RMDN2: variants seen among roughly 807,000 people sequenced by gnomAD.
RMDN2 encodes the protein regulator of microtubule dynamics protein 2.
Under a neutral mutation model 52.8 loss-of-function variants are expected in RMDN2, and 61 were observed. The ratio of observed to expected loss-of-function variants is 1.16; its 90% confidence interval spans 0.94 to 1.43. The LOEUF (loss-of-function observed/expected upper bound fraction) is 1.43, where lower values mean the gene tolerates loss of function less well. Ranked by LOEUF, RMDN2 falls within the 40% of genes most tolerant of loss-of-function variation. RMDN2 has a pLI of 0.00. For synonymous variants in RMDN2, 180 were observed against 153.1 expected, an observed-to-expected ratio of 1.18 and a Z score of -1.30; for missense variants, 592 against 475.3, an observed-to-expected ratio of 1.25 and a Z score of -2.28.
At chr2:37,949,054 G>T (rs1668476138) in intron 2 of RMDN2, among the ~76,000 whole-genome samples, 1 of 152,162 alleles carries the variant, frequency 6.6e-6, no homozygotes. Flanking sequence ...ATGTGCAAAA[G>T]AGATCCTTTT....
chr2:38,003,214 G>A (rs1288766316), intron 8 of RMDN2, among the ~76,000 whole-genome samples: 20 of 152,142 alleles, frequency 1.3e-4, no homozygotes, highest in Admixed American at 1.2e-3. Context: ...TCTAGTGGAA[G>A]ATGCTTGCCA....
At chr2:37,981,774 T>C (rs1469742710) in intron 5 of RMDN2, among the ~76,000 whole-genome samples, 1 of 152,154 alleles carries the variant, frequency 6.6e-6, no homozygotes, top group Non-Finnish European at 1.5e-5. Context: ...TATTAAAAGT[T>C]CAAACAAAGA....
intron 10 of RMDN2, chr2:38,066,777 T>G (rs1682300770): frequency 1.8e-6 from 1 of 558,790 alleles, no homozygotes; most frequent in East Asian, 2.9e-5. Context: ...AAGGAATATT[T>G]TTCCCATGAA....
At chr2:37,942,593 T>G (rs1403040186) in intron 2 of RMDN2, among the ~76,000 whole-genome samples, 3 of 152,230 alleles carry the variant, frequency 2.0e-5, no homozygotes, top group East Asian at 1.9e-4. Flanking sequence ...ATTGTCAGAC[T>G]TTTTCATTTT....
chr2:37,981,416 A>G, intron 5 of RMDN2, 73 bp downstream of exon 5: 3 of 981,640 alleles, frequency 3.1e-6, no homozygotes, highest in East Asian at 4.8e-5. Context: ...ATTTTTCAAA[A>G]TACTATTGAC....
chr2:37,993,418 A>G (rs2125145200), intron 7 of RMDN2, among the ~76,000 whole-genome samples: 1 of 152,266 alleles, frequency 6.6e-6, no homozygotes, highest in South Asian at 2.1e-4. Context: ...TATGCAGACT[A>G]GAGAACTCAA....
intron 2 of RMDN2, among the ~76,000 whole-genome samples, chr2:37,942,454 A>G (rs1219906574): frequency 6.6e-6 from 1 of 152,188 alleles, no homozygotes; most frequent in African/African-American, 2.4e-5. Flanking sequence ...GAAAGTATAC[A>G]TTTGAAGTCC....
chr2:37,943,100 C>G (rs1667937707), intron 2 of RMDN2, among the ~76,000 whole-genome samples: 1 of 152,226 alleles, frequency 6.6e-6, no homozygotes, highest in African/African-American at 2.4e-5. Context: ...AGAAGCATTT[C>G]TCCCTGGAAA....
chr2:37,972,892 G>C (rs1259317605), intron 2 of RMDN2, among the ~76,000 whole-genome samples: 1 of 152,226 alleles, frequency 6.6e-6, no homozygotes, highest in Non-Finnish European at 1.5e-5. Flanking sequence ...AGTAAAGAAT[G>C]TTATTGAAGA....
chr2:37,945,345 G>A (rs2124940050), intron 2 of RMDN2, among the ~76,000 whole-genome samples: 1 of 152,290 alleles, frequency 6.6e-6, no homozygotes, highest in African/African-American at 2.4e-5. Flanking sequence ...GAGTACAGTG[G>A]TAACAAAGCC....
intron 5 of RMDN2, among the ~76,000 whole-genome samples, chr2:37,983,573 T>G (rs1673608869): frequency 6.6e-6 from 1 of 152,174 alleles, no homozygotes; most frequent in South Asian, 2.1e-4. Flanking sequence ...TTTGAGAAAT[T>G]TAAATGTCAA....
At chr2:37,945,539 G>A (rs1418462280) in intron 2 of RMDN2, among the ~76,000 whole-genome samples, 1 of 152,112 alleles carries the variant, frequency 6.6e-6, no homozygotes, top group Non-Finnish European at 1.5e-5. Flanking sequence ...GTAATACTTA[G>A]ATTTCTACAA....
chr2:37,944,341 A>G (rs1403242382), intron 2 of RMDN2, among the ~76,000 whole-genome samples: 3 of 152,086 alleles, frequency 2.0e-5, no homozygotes, highest in African/African-American at 7.2e-5. Flanking sequence ...TCAAAAAAAA[A>G]AAAAAAAGAA....
At chr2:37,978,005 C>T (rs973584833) in intron 4 of RMDN2, among the ~76,000 whole-genome samples, 3 of 152,154 alleles carry the variant, frequency 2.0e-5, no homozygotes, top group African/African-American at 4.8e-5. Context: ...GCCGAGATCA[C>T]GCCACTGCAC....
intron 2 of RMDN2, chr2:37,950,657 A>T: frequency 6.6e-7 from 1 of 1,514,666 alleles, no homozygotes; most frequent in South Asian, 1.1e-5. Flanking sequence ...TCATAAACGA[A>T]GCTTTAGTGC....
chr2:38,046,832 A>G (rs1486484798), intron 10 of RMDN2, among the ~76,000 whole-genome samples: 1 of 152,122 alleles, frequency 6.6e-6, no homozygotes, highest in Non-Finnish European at 1.5e-5. Flanking sequence ...AAAATACAAA[A>G]ATTAGCCAGG....
At chr2:38,060,112 T>G (rs1318129018) in intron 10 of RMDN2, among the ~76,000 whole-genome samples, 7 of 119,526 alleles carry the variant, frequency 5.9e-5, no homozygotes, top group Non-Finnish European at 1.0e-4. Flanking sequence ...TATTTTATTT[T>G]ATTTTATTTT....
intron 2 of RMDN2, among the ~76,000 whole-genome samples, chr2:37,960,455 A>G (rs1458932859): frequency 6.6e-6 from 1 of 151,992 alleles, no homozygotes; most frequent in Non-Finnish European, 1.5e-5. Flanking sequence ...AGAGACTAGG[A>G]TTGCAACCCC....
At chr2:37,976,718 C>G (rs1672512627) in intron 4 of RMDN2, among the ~76,000 whole-genome samples, 2 of 152,018 alleles carry the variant, frequency 1.3e-5, no homozygotes, top group South Asian at 4.2e-4. Context: ...GTATTAATTT[C>G]AACATAAATA....
Sources: allele counts gnomAD v4.1 joint callset (sites outside exome capture counted in the v4.1 genomes callset), GRCh38; gene constraint gnomAD v4.1.1; transcripts MANE v1.5; gene names NCBI Gene and HGNC (gene_info 2026-07-23, HGNC 2026-07-21).